The following SLC37A2 variants were observed in gnomAD, a reference collection of about 807,000 sequenced individuals.
The protein encoded by SLC37A2 is solute carrier family 37 member 2.
A neutral mutation model predicts 70.7 loss-of-function variants in SLC37A2; 59 were observed. That is an observed-to-expected ratio of 0.83 (90% CI 0.68 to 1.04). SLC37A2 has a LOEUF of 1.04. Ranked by LOEUF, SLC37A2 falls within the 50% of genes least tolerant of loss-of-function variation. The pLI is 0.00. For synonymous variants in SLC37A2, 257 were observed against 262.1 expected (o/e 0.98, Z 0.19); for missense variants, 580 against 658.1 (o/e 0.88, Z 1.30).
At chr11:125,087,976 T>A in intron 17 of SLC37A2, 143 bp from the exon 18 acceptor site, 1 of 869,308 alleles carries the variant, frequency 1.2e-6, no homozygotes, top group Non-Finnish European at 1.8e-6. Flanking sequence ...GCCTGAGAGG[T>A]GAAAGGGAGG....
intron 12 of SLC37A2, 116 bp downstream of exon 12, chr11:125,084,435 A>G: frequency 2.8e-6 from 3 of 1,070,380 alleles, no homozygotes; most frequent in Non-Finnish European, 2.8e-6. Flanking sequence ...GTACGCGTGC[A>G]CATGCATCAT....
At chr11:125,086,116 C>A in intron 17 of SLC37A2, 98 bp downstream of exon 17, 1 of 1,532,636 alleles carries the variant, frequency 6.5e-7, no homozygotes, top group Non-Finnish European at 9.0e-7. Flanking sequence ...GAGGCTCGAC[C>A]AGCCCAGACC....
At chr11:125,068,795 T>C (rs998788266) in intron 1 of SLC37A2, among the ~76,000 whole-genome samples, 2 of 152,252 alleles carry the variant, frequency 1.3e-5, no homozygotes, top group East Asian at 3.8e-4. Context: ...TTCACCTTTC[T>C]TGTGCTAAAC....
chr11:125,069,665 T>C (rs115373347), intron 1 of SLC37A2, among the ~76,000 whole-genome samples: 4,310 of 152,346 alleles, frequency 0.028, 204 homozygotes, highest in African/African-American at 0.098. Flanking sequence ...AGACATGGCC[T>C]GTCCCCTGTC....
chr11:125,082,749 C>A (rs1278238856), intron 10 of SLC37A2, among the ~76,000 whole-genome samples: 2 of 152,110 alleles, frequency 1.3e-5, no homozygotes, highest in African/African-American at 4.8e-5. Flanking sequence ...TGGTGAGTGA[C>A]CCCACTCCTT....
chr11:125,074,037 G>A (rs906324422), intron 1 of SLC37A2, among the ~76,000 whole-genome samples: 1 of 152,316 alleles, frequency 6.6e-6, no homozygotes, highest in African/African-American at 2.4e-5. Flanking sequence ...GCCCTTCCCA[G>A]CCAGCTCTGC....
At chr11:125,079,000 T>C (rs1403434170) in intron 4 of SLC37A2, 112 bp from the exon 5 acceptor site, 13 of 1,379,078 alleles carry the variant, frequency 9.4e-6, no homozygotes, top group South Asian at 1.3e-5. Flanking sequence ...CAGAAGTCAT[T>C]GGTGGGACCT....
rs773132281 is a variant in SLC37A2, at chr11:125,085,656, C to T, written c.1407C>T (p.Ala469=). ...ATGTCTTCTACATGCTCATCTCTGCCGACGTCCTAGCCTGCTTGGTAAGAG... is the reference window on the plus strand; with the variant it reads ...ATGTCTTCTACATGCTCATCTCTGCTGACGTCCTAGCCTGCTTGGTAAGAG... ...WNNVFYMLIS[A]DVLACLLLCR... Residue 469 remains alanine (A), a synonymous_variant, in exon 16 of 18, where the codon GCC becomes GCT. Coordinates refer to ENST00000403796, the MANE Select transcript of SLC37A2 (RefSeq NM_001145290.2). 9 of 1,613,168 alleles carry T rather than the reference C, an allele frequency of 5.6e-6. No individual in the cohort carries two copies. The highest frequency in any genetic ancestry group is 2.2e-5 in the East Asian group (1 of 44,822).
chr11:125,087,198 T>A lies in SLC37A2; in HGVS notation c.1491-921T>A, dbSNP rs997890570. On this transcript the variant is annotated intron_variant, in intron 17 of 17. Coordinates refer to ENST00000403796, the MANE Select transcript of SLC37A2 (RefSeq NM_001145290.2). Reference sequence around the variant, plus strand: ...GGAATTGTGTCTGGCTTTAGACGTGTGAGCTTGCCTCGCAGCAGCCTCTCA... The same window carrying A: ...GGAATTGTGTCTGGCTTTAGACGTGAGAGCTTGCCTCGCAGCAGCCTCTCA... 2.0e-4 allele frequency: 30 copies of A among 152,352 alleles called. 1 individual carries two copies. Among genetic ancestry groups the A allele is most frequent in the African/African-American group, 7.0e-4 (29 of 41,470 alleles). The allele number at this position is 152,352 out of a possible 1,614,324, so 9.4% of individuals were successfully genotyped here. A position where few individuals can be genotyped will look rare whatever the true frequency, so the allele number is the denominator to read the frequency against.
rs140790477 is a variant in SLC37A2 at position 125,080,720 on chromosome 11, A to G, written c.634A>G (p.Ile212Val). ...WVNGQWGLSF[I>V]VPGIITAVMG... ...GAACGGGCAGTGGGGCCTGTCGTTC[A>G]TCGTGCCTGGCATCATTACTGCCGT... Residue 212 changes from isoleucine (I) to valine (V), a missense_variant, in exon 7 of 18, where the codon ATC (isoleucine) becomes GTC (valine). Transcript: ENST00000403796. This position sits in a 1 kb window ranked among gnomAD's most constrained non-coding sequence, Gnocchi z 4.3. 1.9e-5 allele frequency: 30 copies of G among 1,570,444 alleles called. No homozygotes were observed. Among genetic ancestry groups the G allele is most frequent in the Non-Finnish European group, 2.5e-5 (29 of 1,157,440 alleles).
At chr11:125,084,746 G>A in intron 12 of SLC37A2, 79 bp from the exon 13 acceptor site, 1 of 1,461,440 alleles carries the variant, frequency 6.8e-7, no homozygotes, top group African/African-American at 1.4e-5. Context: ...CAGGGCAGGA[G>A]ATGGTTGTTG....
At chr11:125,072,865 T>C (rs113279741) in intron 1 of SLC37A2, among the ~76,000 whole-genome samples, 5 of 152,292 alleles carry the variant, frequency 3.3e-5, no homozygotes, top group African/African-American at 1.2e-4. Context: ...GACTATGCCA[T>C]GCCCAGCGAG....
intron 17 of SLC37A2, chr11:125,087,914 G>C: frequency 5.4e-6 from 3 of 557,826 alleles, no homozygotes; most frequent in South Asian, 4.3e-5. Context: ...TTACAGGTGT[G>C]AGCCACCGCG....
At position 125,082,316 on chromosome 11, in the gene SLC37A2, C is replaced by T. The variant is rs770257308; in HGVS notation, c.958C>T (p.Leu320Phe). 3.1e-6 allele frequency: 5 copies of T among 1,613,956 alleles called. No homozygotes were observed. In the East Asian group the frequency reaches 8.9e-5, roughly 29 times the overall value. Reference protein sequence around the residue: ...VSYTFLYWLPLYIANVAHFSA... With the variant: ...VSYTFLYWLPFYIANVAHFSA... ...TTACACCTTCCTCTACTGGCTGCCC[C>T]TCTACATCGCCAATGTGGGTAAGTC... The change falls in exon 10 of 18, where the codon CTC becomes TTC. Residue 320 changes from leucine to phenylalanine, a missense_variant. Transcript: ENST00000403796.
At chr11:125,087,962 T>G (rs1949240769) in intron 17 of SLC37A2, 157 bp from the exon 18 acceptor site, 2 of 771,230 alleles carry the variant, frequency 2.6e-6, no homozygotes, top group Non-Finnish European at 2.1e-6. Context: ...GCTTGCTATT[T>G]CCTGCCTGAG....
chr11:125,079,227 T>C lies in SLC37A2; in HGVS notation c.430T>C (p.Trp144Arg), dbSNP rs770305705. 2 of 1,614,068 alleles carry C rather than the reference T, an allele frequency of 1.2e-6. No homozygotes were observed. Among genetic ancestry groups the C allele is most frequent in the Admixed American group, 1.7e-5 (1 of 60,006 alleles). The change falls in exon 5 of 18, where the codon TGG (tryptophan) becomes CGG (arginine). Residue 144 changes from tryptophan to arginine, a missense_variant. Trp to Arg is a moderately radical substitution (Grantham distance 101). Coordinates refer to ENST00000403796, the MANE Select transcript of SLC37A2 (RefSeq NM_001145290.2). ...LGYFWNIHELWYFVVIQVCNG... is the reference protein window; with the variant it reads ...LGYFWNIHELRYFVVIQVCNG... ...ATATTTCTGGAACATCCACGAGCTC[T>C]GGTACTTTGTGGTCATCCAGGTATG...
intron 4 of SLC37A2, among the ~76,000 whole-genome samples, chr11:125,077,967 A>C (rs1949108047): frequency 6.6e-6 from 1 of 152,200 alleles, no homozygotes; most frequent in East Asian, 1.9e-4. Context: ...CAATGGATGC[A>C]TTGGCAGCTG....
intron 1 of SLC37A2, among the ~76,000 whole-genome samples, chr11:125,075,563 G>A (rs1949075425): frequency 6.6e-6 from 1 of 152,244 alleles, no homozygotes. Context: ...AAGCGTTTTA[G>A]CAGAGCTGTG....
At position 125,063,642 on chromosome 11, in the gene SLC37A2, C is replaced by T. The variant is rs1172164478; in HGVS notation, c.59+216C>T. 6.6e-6 allele frequency among the ~76,000 whole-genome samples: 1 copy of T among 152,214 alleles called. No homozygotes were observed. The highest frequency in any genetic ancestry group is 1.5e-5 in the Non-Finnish European group (1 of 68,038). ...TCCGCCCGCGCTCCCCCAGACCCCG[C>T]GACGCTGGCTCGGTGACACTGGGGA... On this transcript the variant is annotated intron_variant, in intron 1 of 17. Transcript: ENST00000403796. The surrounding 1 kb of genome is among the most constrained non-coding windows in gnomAD (Gnocchi z 5.4).
Sources: gnomAD v4.1 joint callset for allele counts (sites outside exome capture counted in the v4.1 genomes callset) on GRCh38, gnomAD v4.1.1 for gene constraint, Gnocchi (gnomAD v3.1) non-coding constraint, MANE v1.5 for transcripts, NCBI Gene and HGNC (gene_info 2026-07-23, HGNC 2026-07-21) for gene names.